The following RAB11FIP5 variants were observed in gnomAD, a reference collection of about 807,000 sequenced individuals.
RAB11FIP5 encodes the protein RAB11 family interacting protein 5.
RAB11FIP5 carries 48 observed loss-of-function variants against 85.1 expected under a neutral mutation model. That is an observed-to-expected ratio of 0.56 (90% CI 0.45 to 0.72). The LOEUF (loss-of-function observed/expected upper bound fraction) is 0.72, where lower values mean the gene tolerates loss of function less well. RAB11FIP5 is among the 30% of genes least tolerant of loss of function. The probability of loss-of-function intolerance (pLI) is 0.00; values close to 1 mark genes in which losing one functional copy is unlikely to be tolerated. For missense variants in RAB11FIP5, 1,491 were observed against 1,687.0 expected (o/e 0.88, Z 2.04); for synonymous variants, 729 against 727.3 (o/e 1.00, Z -0.04).
intron 1 of RAB11FIP5, among the ~76,000 whole-genome samples, chr2:73,110,450 C>T (rs1415710722): frequency 6.6e-6 from 1 of 151,560 alleles, no homozygotes; most frequent in East Asian, 2.0e-4. Context: ...TTTCCTCTGC[C>T]CATCCTAAGT....
chr2:73,105,183 G>A (rs1001246136), intron 1 of RAB11FIP5, among the ~76,000 whole-genome samples: 1 of 152,206 alleles, frequency 6.6e-6, no homozygotes, highest in Non-Finnish European at 1.5e-5. Context: ...AATCTCCCCA[G>A]GGTGGAAAGT....
Position 73,076,814 on chromosome 2 carries a change from A to G in RAB11FIP5, c.3582-632T>C, listed in dbSNP as rs574952728. 3.9e-5 allele frequency among the ~76,000 whole-genome samples: 6 copies of G among 152,196 alleles called. No homozygotes were observed. The East Asian group carries it at 1.2e-3, about 29-fold the overall frequency. On this transcript the variant is annotated intron_variant, in intron 4 of 5. Transcript: ENST00000486777. ...CTCTCCGCAGCAGCATGGAGACTAC[A>G]TTTGTATAATTTCTTACCTTTCATT... is the stretch of plus-strand genomic sequence containing the variant.
intron 3 of RAB11FIP5, among the ~76,000 whole-genome samples, chr2:73,087,313 T>G (rs1684110292): frequency 6.6e-6 from 1 of 152,214 alleles, no homozygotes; most frequent in African/African-American, 2.4e-5. Flanking sequence ...AAGCAAATGG[T>G]AGGCATCAGG....
At chr2:73,087,040 C>A (rs1209433513) in intron 3 of RAB11FIP5, among the ~76,000 whole-genome samples, 1 of 152,198 alleles carries the variant, frequency 6.6e-6, no homozygotes, top group African/African-American at 2.4e-5. Flanking sequence ...GTTTAGGGTC[C>A]TTCCTCTGCC....
chr2:73,099,912 G>A, intron 1 of RAB11FIP5, among the ~76,000 whole-genome samples: 1 of 152,164 alleles, frequency 6.6e-6, no homozygotes, highest in Non-Finnish European at 1.5e-5. Flanking sequence ...TACCACCCTG[G>A]GGACAAGGAG....
intron 1 of RAB11FIP5, among the ~76,000 whole-genome samples, chr2:73,097,185 G>T (rs1044308979): frequency 3.9e-5 from 6 of 152,198 alleles, no homozygotes; most frequent in African/African-American, 1.2e-4. Context: ...TTACAGGCAT[G>T]TGCCACCCCG....
chr2:73,081,272 C>T lies in RAB11FIP5; in HGVS notation c.1960G>A (p.Val654Ile), dbSNP rs760161363. Reference sequence around the variant, plus strand: ...GGACGCAGCCTGCTGGCAGCAAAGACGTTGAAGGTGTTGTCCCACTCAGGC... The same window carrying T: ...GGACGCAGCCTGCTGGCAGCAAAGATGTTGAAGGTGTTGTCCCACTCAGGC... ...ALPEWDNTFN[V>I]FAASRLRPEA... The change falls in exon 4 of 6, where the codon GTC becomes ATC. Residue 654 changes from valine (V) to isoleucine (I), a missense_variant. Val to Ile is a conservative substitution (Grantham distance 29, BLOSUM62 3). Around this residue, in one of 3 missense-constraint regions of RAB11FIP5, gnomAD observed 1,211 missense variants for 1,338.0 expected, o/e 0.91. Transcript: ENST00000486777. The surrounding 1 kb of genome is among the most constrained non-coding windows in gnomAD (Gnocchi z 4.2). The T allele has an allele frequency of 2.7e-5, 33 of 1,232,318 alleles. No homozygotes were observed. The highest frequency in any genetic ancestry group is 1.6e-4 in the South Asian group (4 of 24,338). 76.3% of individuals were successfully genotyped at this position (1,232,318 alleles called of 1,614,324 possible).
chr2:73,080,780 C>A lies in RAB11FIP5; in HGVS notation c.2452G>T (p.Gly818Cys). 8.1e-7 allele frequency: 1 copy of A among 1,232,438 alleles called. No homozygotes were observed. Among genetic ancestry groups the A allele is most frequent in the South Asian group, 4.1e-5 (1 of 24,316 alleles). 76.3% of individuals were successfully genotyped at this position (1,232,438 alleles called of 1,614,324 possible). Residue 818 changes from glycine to cysteine, a missense_variant, in exon 4 of 6, where the codon GGC becomes TGC. By Grantham distance (159) the Gly-to-Cys change is radical (BLOSUM62 -3). Transcript: ENST00000486777. ...AEGQDDESSR[G>C]ENQLCPDVET... ...ACGTCAGGGCAAAGCTGATTTTCGC[C>A]TCGGGAGGACTCATCGTCCTGGCCC...
Position 73,079,682 on chromosome 2 carries a change from G to A in RAB11FIP5, c.3550C>T (p.Arg1184Ter). The A allele has an allele frequency of 6.5e-6, 8 of 1,233,430 alleles. No homozygotes were observed. The highest frequency in any genetic ancestry group is 4.2e-5 in the Admixed American group (1 of 23,740). 76.4% of individuals were successfully genotyped at this position (1,233,430 alleles called of 1,614,324 possible). Residue 1184 changes from arginine (R) to a stop codon, truncating the protein, a stop_gained, in exon 4 of 6, where the codon CGA becomes TGA. Transcript: ENST00000486777. LOFTEE classifies it high-confidence loss of function. ...SPLVLLPLET[R>*]PAEEPQPSAS... ...CTGGGCTGTGGCTCCTCAGCTGGTC[G>A]TGTCTCCAAGGGCAGAAGCACAAGC...
At chr2:73,103,024 C>T (rs940995398) in intron 1 of RAB11FIP5, among the ~76,000 whole-genome samples, 3 of 152,194 alleles carry the variant, frequency 2.0e-5, no homozygotes, top group Non-Finnish European at 1.5e-5. Context: ...CTCTCCTCTC[C>T]AAGTGCCCAC....
intron 1 of RAB11FIP5, among the ~76,000 whole-genome samples, chr2:73,093,636 C>T (rs929241330): frequency 1.3e-5 from 2 of 152,218 alleles, no homozygotes; most frequent in Non-Finnish European, 2.9e-5. Context: ...CCTCCGCTTC[C>T]TTGGCCCTCA....
intron 1 of RAB11FIP5, among the ~76,000 whole-genome samples, chr2:73,106,079 G>A (rs933849889): frequency 2.0e-5 from 3 of 152,090 alleles, no homozygotes; most frequent in African/African-American, 7.2e-5. Context: ...GAAAGAAAAA[G>A]CAAAGTCACT....
rs1559232786 is a variant in RAB11FIP5, at chr2:73,080,638, T to G, written c.2594A>C (p.Glu865Ala). Residue 865 changes from glutamate (E) to alanine (A), a missense_variant, in exon 4 of 6, where the codon GAA becomes GCA. Coordinates refer to ENST00000486777, the MANE Select transcript of RAB11FIP5 (RefSeq NM_001371272.1). ...CTTGGGGCTCACAGTTTCTGGTGAT[T>G]CAGGCTGCACCTGGGGAGCAGGCTC... is the stretch of plus-strand genomic sequence containing the variant. ...SDEPAPQVQP[E>A]SPETVSPKGS... The G allele has an allele frequency of 1.6e-6, 2 of 1,232,338 alleles. No individual in the cohort carries two copies. The allele number at this position is 1,232,338 out of a possible 1,614,324, so 76.3% of individuals were successfully genotyped here. A position where few individuals can be genotyped will look rare whatever the true frequency, so the allele number is the denominator to read the frequency against.
In RAB11FIP5 at chr2:73,075,504, G is replaced by A; in HGVS notation, c.*17C>T. The A allele has an allele frequency of 1.9e-6, 3 of 1,609,338 alleles. No individual in the cohort carries two copies. Among genetic ancestry groups the A allele is most frequent in the Non-Finnish European group, 1.7e-6 (2 of 1,175,650 alleles). On this transcript the variant is annotated 3_prime_UTR_variant, in exon 6 of 6. Transcript: ENST00000486777. The surrounding 1 kb of genome is among the most constrained non-coding windows in gnomAD (Gnocchi z 4.6). ...AATAGGTCCATGCCAACCCTCCTGG[G>A]GGTAGGGTGAGGAAGGCTATTTGGG...
intron 1 of RAB11FIP5, among the ~76,000 whole-genome samples, chr2:73,095,929 C>T (rs1684309707): frequency 6.6e-6 from 1 of 152,192 alleles, no homozygotes; most frequent in Non-Finnish European, 1.5e-5. Context: ...AGGGTTTTGT[C>T]CTGTCCTTAG....
intron 3 of RAB11FIP5, 32 bp downstream of exon 3, chr2:73,088,018 A>G: frequency 1.3e-6 from 2 of 1,553,986 alleles, no homozygotes; most frequent in Non-Finnish European, 1.7e-6. Flanking sequence ...CATCCTCCCC[A>G]AGGAGCAAAG....
intron 4 of RAB11FIP5, 57 bp from the exon 5 acceptor site, chr2:73,076,239 G>A (rs1683859742): frequency 2.0e-6 from 3 of 1,468,138 alleles, no homozygotes; most frequent in Non-Finnish European, 2.8e-6. Context: ...CGGGTCAAAG[G>A]TGGGGCTGCC....
At chr2:73,094,245 T>A (rs1398644396) in intron 1 of RAB11FIP5, among the ~76,000 whole-genome samples, 2 of 152,040 alleles carry the variant, frequency 1.3e-5, no homozygotes, top group East Asian at 1.9e-4. Flanking sequence ...CTGATCAAGG[T>A]TTTTTCTCCC....
At chr2:73,084,853 A>T (rs1431465557) in intron 3 of RAB11FIP5, among the ~76,000 whole-genome samples, 1 of 152,226 alleles carries the variant, frequency 6.6e-6, no homozygotes, top group African/African-American at 2.4e-5. Context: ...GTTCATCTCT[A>T]GCAACACTGC....
Sources: allele counts gnomAD v4.1 joint callset (sites outside exome capture counted in the v4.1 genomes callset), GRCh38; gene constraint gnomAD v4.1.1; regional missense constraint gnomAD v4.1.1; non-coding constraint Gnocchi (gnomAD v3.1); transcripts MANE v1.5; gene names NCBI Gene and HGNC (gene_info 2026-07-23, HGNC 2026-07-21).